SMURF2: variants seen among roughly 807,000 people sequenced by gnomAD.
SMURF2 encodes the protein E3 ubiquitin-protein ligase SMURF2.
A neutral mutation model predicts 109.6 loss-of-function variants in SMURF2; 48 were observed. That is an observed-to-expected ratio of 0.44 (90% CI 0.35 to 0.56). SMURF2 has a LOEUF of 0.56. SMURF2 is among the 20% of genes least tolerant of loss of function. SMURF2 has a pLI of 0.01. For synonymous variants in SMURF2, 288 were observed against 317.1 expected, an observed-to-expected ratio of 0.91 and a Z score of 0.97; for missense variants, 575 against 909.0, an observed-to-expected ratio of 0.63 and a Z score of 4.72.
intron 16 of SMURF2, among the ~76,000 whole-genome samples, chr17:64,549,559 C>A (rs928816919): frequency 6.6e-6 from 1 of 151,744 alleles, no homozygotes; most frequent in African/African-American, 2.4e-5. Context: ...AGTTCAAGAC[C>A]GGCCTGGGCA....
chr17:64,662,090 T>A lies in SMURF2; in HGVS notation c.-210A>T. ...CCCCCCTCCTCCCACTTCTCCTTCC[T>A]CGGCCCGGGCCGCACAACAAAGCGG... is the stretch of plus-strand genomic sequence containing the variant. On this transcript the variant is annotated 5_prime_UTR_variant, in exon 1 of 19. Transcript: ENST00000262435. The A allele has an allele frequency of 9.4e-7, 1 of 1,059,948 alleles. No individual in the cohort carries two copies. Among genetic ancestry groups the A allele is most frequent in the Non-Finnish European group, 1.1e-6 (1 of 879,530 alleles). The allele number at this position is 1,059,948 out of a possible 1,614,324, so 65.7% of individuals were successfully genotyped here.
intron 10 of SMURF2, among the ~76,000 whole-genome samples, chr17:64,568,862 C>T (rs1390279363): frequency 3.3e-5 from 5 of 151,990 alleles, no homozygotes; most frequent in East Asian, 1.9e-4. Context: ...ATTAGCTGGG[C>T]GTGGTGGTGC....
chr17:64,630,039 G>A (rs1488753286), intron 1 of SMURF2, among the ~76,000 whole-genome samples: 5 of 151,880 alleles, frequency 3.3e-5, no homozygotes, highest in Non-Finnish European at 1.5e-5. Context: ...AGTTCGAAAC[G>A]AGCCTGGCCA....
At chr17:64,570,970 G>C (rs1969389679) in intron 10 of SMURF2, among the ~76,000 whole-genome samples, 2 of 152,118 alleles carry the variant, frequency 1.3e-5, no homozygotes, top group African/African-American at 4.8e-5. Flanking sequence ...TTTTTGAAGA[G>C]AATAGGACTC....
At chr17:64,598,286 C>T (rs782574817) in intron 3 of SMURF2, 96 bp downstream of exon 3, 5 of 1,094,192 alleles carry the variant, frequency 4.6e-6, no homozygotes, top group Non-Finnish European at 3.8e-6. Context: ...AATTATACCA[C>T]AGATGAAACC....
rs28740841 is a variant in SMURF2 at position 64,597,539 on chromosome 17, G to A, written c.200+843C>T. On this transcript the variant is annotated intron_variant, in intron 3 of 18. Coordinates refer to ENST00000262435, the MANE Select transcript of SMURF2 (RefSeq NM_022739.4). ...TGTAATCCCGGCACTTTGGGAGACCGAGGCAGGCGGATCACTTGAGGTCAG... is the reference window on the plus strand; with the variant it reads ...TGTAATCCCGGCACTTTGGGAGACCAAGGCAGGCGGATCACTTGAGGTCAG... 9.2e-3 allele frequency among the ~76,000 whole-genome samples: 1,396 copies of A among 152,214 alleles called. 27 individuals carry two copies. Among genetic ancestry groups the A allele is most frequent in the African/African-American group, 0.032 (1,319 of 41,534 alleles).
intron 1 of SMURF2, among the ~76,000 whole-genome samples, chr17:64,612,698 C>T (rs1208622316): frequency 1.3e-5 from 2 of 151,922 alleles, no homozygotes; most frequent in Non-Finnish European, 2.9e-5. Context: ...TCAAAAAAAT[C>T]TTATTTTTAT....
At chr17:64,655,989 A>G (rs1368864342) in intron 1 of SMURF2, among the ~76,000 whole-genome samples, 1 of 152,210 alleles carries the variant, frequency 6.6e-6, no homozygotes, top group East Asian at 1.9e-4. Context: ...ATCTGACTCT[A>G]TAACTAATAT....
At chr17:64,585,416 T>C (rs1279471370) in intron 6 of SMURF2, among the ~76,000 whole-genome samples, 1 of 152,226 alleles carries the variant, frequency 6.6e-6, no homozygotes, top group African/African-American at 2.4e-5. Flanking sequence ...CTAAAGTGCC[T>C]TACCTGAATT....
chr17:64,561,070 G>A (rs1196111510), intron 12 of SMURF2: 1 of 153,232 alleles, frequency 6.5e-6, no homozygotes, highest in Non-Finnish European at 1.4e-5. Flanking sequence ...ACATTCTGAG[G>A]ACCATCATGA....
At chr17:64,637,558 CATTATT>C (rs782571600) in intron 1 of SMURF2, among the ~76,000 whole-genome samples, 35 of 151,774 alleles carry the variant, frequency 2.3e-4, no homozygotes, top group Non-Finnish European at 4.1e-4. Flanking sequence ...TGGTCCAACA[CATTATT>C]ATTATTATTA....
intron 15 of SMURF2, among the ~76,000 whole-genome samples, chr17:64,552,483 C>T (rs1969059305): frequency 6.6e-6 from 1 of 151,988 alleles, no homozygotes; most frequent in African/African-American, 2.4e-5. Flanking sequence ...CTTTGGAGGA[C>T]CGTATTTTTG....
At chr17:64,606,127 G>A (rs1598292498) in intron 2 of SMURF2, among the ~76,000 whole-genome samples, 1 of 152,178 alleles carries the variant, frequency 6.6e-6, no homozygotes, top group East Asian at 1.9e-4. Flanking sequence ...TGGAATCTGA[G>A]AGGTAAGAGC....
At chr17:64,563,660 C>T (rs1248706567) in intron 10 of SMURF2, among the ~76,000 whole-genome samples, 6 of 152,134 alleles carry the variant, frequency 3.9e-5, no homozygotes, top group Admixed American at 2.0e-4. Context: ...AGCCATAAAA[C>T]TTCTAAGCAC....
intron 1 of SMURF2, among the ~76,000 whole-genome samples, chr17:64,640,730 C>T (rs974763529): frequency 2.0e-5 from 3 of 151,964 alleles, no homozygotes; most frequent in Non-Finnish European, 4.4e-5. Context: ...ACCATCCTGG[C>T]CAACATGGTG....
rs1555686270 is a variant in SMURF2 at position 64,578,575 on chromosome 17, T to A, written c.774A>T (p.Glu258Asp). 6.2e-7 allele frequency: 1 copy of A among 1,607,120 alleles called. No individual in the cohort carries two copies. Among genetic ancestry groups the A allele is most frequent in the South Asian group, 1.1e-5 (1 of 90,904 alleles). The change falls in exon 9 of 19, where the codon GAA (glutamate) becomes GAT (aspartate). Residue 258 changes from glutamate to aspartate, a missense_variant and splice_region_variant. Physicochemically the swap from Glu to Asp is conservative, Grantham distance 45. This residue lies in a region of SMURF2 where 361 missense variants were observed against 612.1 expected (regional missense o/e 0.59). Coordinates refer to ENST00000262435, the MANE Select transcript of SMURF2 (RefSeq NM_022739.4). ...HTPPDLPEGY[E>D]QRTTQQGQVY... ...CCTGGCCTTGTTGCGTTGTCCTCTG[T>A]TCTGTAAAATTAATAAACACTGATA...
rs536788866 is a variant in SMURF2 at position 64,651,196 on chromosome 17, G to GC, written c.52+10632_52+10633insG. Among the ~76,000 whole-genome samples the GC allele has an allele frequency of 3.1e-3, 461 of 147,404 alleles. 2 individuals are homozygous for GC. Among genetic ancestry groups the GC allele is most frequent in the African/African-American group, 0.012 (448 of 38,492 alleles). On this transcript the variant is annotated intron_variant, in intron 1 of 18. Transcript: ENST00000262435. ...TGGGCGACATAGCAAGGCTGTCTCA[G>GC]AAATATATATATTTTTGTGTATATA... is the stretch of plus-strand genomic sequence containing the variant.
At position 64,593,451 on chromosome 17, in the gene SMURF2, T is replaced by C; in HGVS notation, c.323A>G (p.Lys108Arg). ...TCGTATCTACTCACAACCAGTGTCT[T>C]TGAGGCGGTTGATGGCATTGGAAAG... is the stretch of plus-strand genomic sequence containing the variant. ...RLLSNAINRL[K>R]DTGYQRLDLC... The change falls in exon 4 of 19, where the codon AAA becomes AGA. Residue 108 changes from lysine to arginine, a missense_variant. By Grantham distance (26) the Lys-to-Arg change is conservative (BLOSUM62 2). Transcript: ENST00000262435. The C allele has an allele frequency of 1.2e-6, 2 of 1,609,062 alleles. No homozygotes were observed. Among genetic ancestry groups the C allele is most frequent in the Non-Finnish European group, 1.7e-6 (2 of 1,178,232 alleles).
chr17:64,580,407 C>T (rs1555686444), intron 8 of SMURF2, among the ~76,000 whole-genome samples: 1 of 152,052 alleles, frequency 6.6e-6, no homozygotes, highest in Non-Finnish European at 1.5e-5. Flanking sequence ...ATATATATGT[C>T]TAAAAAATTA....
Sources: gnomAD v4.1 joint callset for allele counts (sites outside exome capture counted in the v4.1 genomes callset) on GRCh38, gnomAD v4.1.1 for gene constraint, gnomAD v4.1.1 regional missense constraint, MANE v1.5 for transcripts, NCBI Gene and HGNC (gene_info 2026-07-23, HGNC 2026-07-21) for gene names.